The following NHLRC2 variants were observed in gnomAD, a reference collection of about 807,000 sequenced individuals.
NHLRC2 encodes NHL repeat-containing protein 2.
NHLRC2 carries 33 observed loss-of-function variants against 68.1 expected under a neutral mutation model. The observed-to-expected ratio is 0.48, with a 90% CI of 0.37 to 0.65. The LOEUF (loss-of-function observed/expected upper bound fraction) is 0.65, where lower values mean the gene tolerates loss of function less well. NHLRC2 is among the 30% of genes least tolerant of loss of function. The pLI is 0.00. For missense variants in NHLRC2, 761 were observed against 853.8 expected, an observed-to-expected ratio of 0.89 and a Z score of 1.35; for synonymous variants, 311 against 309.6, an observed-to-expected ratio of 1.00 and a Z score of -0.05.
rs1416966344 is a variant in NHLRC2 at position 113,884,335 on chromosome 10, C to A, written c.994C>A (p.Gln332Lys). 4 of 1,610,568 alleles carry A rather than the reference C, an allele frequency of 2.5e-6. No homozygotes were observed. In the African/African-American group the frequency reaches 4.0e-5, roughly 16 times the overall value. ...TAAAGAAGGTGGAGCAAAAGGAGAA[C>A]AACAACCCATTAGTTCCCCTTGGGA... is the stretch of plus-strand genomic sequence containing the variant. ...TDKEGGAKGE[Q>K]QPISSPWDVV... Residue 332 changes from glutamine to lysine, a missense_variant, in exon 5 of 11, where the codon CAA (glutamine) becomes AAA (lysine). Gln to Lys is a moderately conservative substitution (Grantham distance 53). Coordinates refer to ENST00000369301, the MANE Select transcript of NHLRC2 (RefSeq NM_198514.4).
intron 4 of NHLRC2, among the ~76,000 whole-genome samples, chr10:113,881,915 C>A (rs1196592513): frequency 6.6e-6 from 1 of 151,678 alleles, no homozygotes; most frequent in African/African-American, 2.4e-5. Context: ...TATAAATTTG[C>A]CTTTTCCAAA....
At chr10:113,902,430 TATA>T (rs1453263513) in intron 7 of NHLRC2, 38 bp from the exon 8 acceptor site, 5 of 1,334,746 alleles carry the variant, frequency 3.7e-6, no homozygotes, top group Non-Finnish European at 5.2e-6. Context: ...CTGTAAAAAT[TATA>T]ATAACTGCTG....
chr10:113,878,350 G>T (rs1044683477), intron 3 of NHLRC2, among the ~76,000 whole-genome samples: 1 of 151,968 alleles, frequency 6.6e-6, no homozygotes, highest in Non-Finnish European at 1.5e-5. Context: ...GACACTATAT[G>T]TCTGGCATTA....
At chr10:113,887,319 G>T (rs1846091457) in intron 5 of NHLRC2, among the ~76,000 whole-genome samples, 2 of 152,144 alleles carry the variant, frequency 1.3e-5, no homozygotes, top group South Asian at 2.1e-4. Context: ...ACTAAAAATA[G>T]AATATTTATA....
In NHLRC2 at chr10:113,898,881, T is replaced by C. The variant is rs78981747; in HGVS notation, c.1139+672T>C. 5.8e-3 allele frequency among the ~76,000 whole-genome samples: 890 copies of C among 152,290 alleles called. 10 individuals are homozygous for C. The highest frequency in any genetic ancestry group is 0.019 in the African/African-American group (809 of 41,560). On this transcript the variant is annotated intron_variant, in intron 6 of 10. Coordinates refer to ENST00000369301, the MANE Select transcript of NHLRC2 (RefSeq NM_198514.4). ...AGGCTTGCTTTGAGAATTAATAATA[T>C]ATGTGGAGAGCTTGGCATAGTACCT...
At chr10:113,896,016 G>A (rs1044969438) in intron 5 of NHLRC2, among the ~76,000 whole-genome samples, 12 of 152,112 alleles carry the variant, frequency 7.9e-5, no homozygotes, top group South Asian at 2.1e-4. Flanking sequence ...TCAGGAAACA[G>A]CAGGTGCTGG....
intron 2 of NHLRC2, among the ~76,000 whole-genome samples, chr10:113,862,484 CAA>C (rs538717470): frequency 7.6e-6 from 1 of 130,902 alleles, no homozygotes. Context: ...ATCAACTAAA[CAA>C]AAAAAAAAAC....
intron 5 of NHLRC2, among the ~76,000 whole-genome samples, chr10:113,887,132 A>C (rs932351531): frequency 6.6e-6 from 1 of 152,196 alleles, no homozygotes; most frequent in African/African-American, 2.4e-5. Context: ...CTAATCATCA[A>C]GGAAATGAGA....
rs1358999235 is a variant in NHLRC2, at chr10:113,911,766, A to G, written c.*3230A>G. The G allele has an allele frequency of 6.6e-6, 1 of 152,214 alleles. No individual in the cohort carries two copies. The highest frequency in any genetic ancestry group is 1.5e-5 in the Non-Finnish European group (1 of 68,004). 9.4% of individuals were successfully genotyped at this position (152,214 alleles called of 1,614,324 possible). ...CGTTTAACCACAATCATCAAAATCTACTTAAATTCTATAGTTAACAGTTAC... is the reference window on the plus strand; with the variant it reads ...CGTTTAACCACAATCATCAAAATCTGCTTAAATTCTATAGTTAACAGTTAC... On this transcript the variant is annotated 3_prime_UTR_variant, in exon 11 of 11. Transcript: ENST00000369301.
At chr10:113,870,846 G>A (rs1342903865) in intron 2 of NHLRC2, among the ~76,000 whole-genome samples, 1 of 151,948 alleles carries the variant, frequency 6.6e-6, no homozygotes, top group Non-Finnish European at 1.5e-5. Context: ...ATAGGAAGTG[G>A]TATCTTGGTG....
intron 9 of NHLRC2, among the ~76,000 whole-genome samples, chr10:113,904,294 AG>A (rs1846254578): frequency 6.6e-6 from 1 of 152,098 alleles, no homozygotes; most frequent in Non-Finnish European, 1.5e-5. Flanking sequence ...AGAATTTTCA[AG>A]GGGAAATGTC....
At chr10:113,869,267 T>C (rs1283185850) in intron 2 of NHLRC2, among the ~76,000 whole-genome samples, 1 of 152,180 alleles carries the variant, frequency 6.6e-6, no homozygotes, top group East Asian at 1.9e-4. Context: ...AGAGATGTCC[T>C]AGACTGGTTT....
At position 113,916,535 on chromosome 10, in the gene NHLRC2, T is replaced by G. The variant is rs550944473; in HGVS notation, c.*7999T>G. On this transcript the variant is annotated 3_prime_UTR_variant, in exon 11 of 11. Transcript: ENST00000369301. ...TCCTAATTATATTTTACATAGGCTG[T>G]TTTTTTTAAGTTTAAATTCTCACTG... is the stretch of plus-strand genomic sequence containing the variant. 4 of 152,024 alleles carry G rather than the reference T, an allele frequency of 2.6e-5. No homozygotes were observed. The highest frequency in any genetic ancestry group is 4.8e-5 in the African/African-American group (2 of 41,430). 9.4% of individuals were successfully genotyped at this position (152,024 alleles called of 1,614,324 possible).
At chr10:113,867,321 CTATT>C (rs1459216933) in intron 2 of NHLRC2, among the ~76,000 whole-genome samples, 13 of 152,300 alleles carry the variant, frequency 8.5e-5, no homozygotes, top group African/African-American at 2.2e-4. Flanking sequence ...AGTAGTTTGT[CTATT>C]TATTCTATGT....
intron 1 of NHLRC2, among the ~76,000 whole-genome samples, chr10:113,856,255 C>G (rs571989169): frequency 3.3e-5 from 5 of 152,250 alleles, no homozygotes; most frequent in African/African-American, 1.2e-4. Flanking sequence ...TGTGTCCTGG[C>G]GTGACACTGA....
At chr10:113,900,901 C>T (rs929953444) in intron 6 of NHLRC2, among the ~76,000 whole-genome samples, 1 of 152,134 alleles carries the variant, frequency 6.6e-6, no homozygotes, top group Non-Finnish European at 1.5e-5. Context: ...TGTCCCGAGT[C>T]AGCTGCTTCC....
At chr10:113,902,236 C>G (rs1006742784) in intron 7 of NHLRC2, among the ~76,000 whole-genome samples, 3 of 152,128 alleles carry the variant, frequency 2.0e-5, no homozygotes, top group African/African-American at 7.2e-5. Flanking sequence ...CTATTCCTGA[C>G]CAGATGTAGT....
rs560161826 is a variant in NHLRC2, at chr10:113,910,093, A to G, written c.*1557A>G. 1.3e-5 allele frequency: 2 copies of G among 152,358 alleles called. No individual in the cohort carries two copies. Among genetic ancestry groups the G allele is most frequent in the South Asian group, 2.1e-4 (1 of 4,830 alleles). The allele number at this position is 152,358 out of a possible 1,614,324, so 9.4% of individuals were successfully genotyped here. A position where few individuals can be genotyped will look rare whatever the true frequency, so the allele number is the denominator to read the frequency against. On this transcript the variant is annotated 3_prime_UTR_variant, in exon 11 of 11. Transcript: ENST00000369301. Reference sequence around the variant, plus strand: ...TAAAAGGAATCCTGTTTAAAATTATATGTAATTACCTCATAAACCTTTTCT... The same window carrying G: ...TAAAAGGAATCCTGTTTAAAATTATGTGTAATTACCTCATAAACCTTTTCT...
chr10:113,912,953 T>C lies in NHLRC2; in HGVS notation c.*4417T>C, dbSNP rs1357625308. The C allele has an allele frequency of 6.6e-6, 1 of 152,180 alleles. No individual in the cohort carries two copies. Among genetic ancestry groups the C allele is most frequent in the Non-Finnish European group, 1.5e-5 (1 of 68,034 alleles). 9.4% of individuals were successfully genotyped at this position (152,180 alleles called of 1,614,324 possible). On this transcript the variant is annotated 3_prime_UTR_variant, in exon 11 of 11. Transcript: ENST00000369301. ...ATTAAGAGTTCTTCCATGGACACTT[T>C]CTTAAGCCTTCACATAAAATAACAA...
Sources: gnomAD v4.1 joint callset for allele counts (sites outside exome capture counted in the v4.1 genomes callset) on GRCh38, gnomAD v4.1.1 for gene constraint, MANE v1.5 for transcripts, NCBI Gene and HGNC (gene_info 2026-07-23, HGNC 2026-07-21) for gene names.